The following SLC30A7 variants were observed in gnomAD, a reference collection of about 807,000 sequenced individuals.
SLC30A7 encodes the protein solute carrier family 30 member 7, also known as zinc transporter 7.
SLC30A7 carries 35 observed loss-of-function variants against 46.0 expected under a neutral mutation model. The ratio of observed to expected loss-of-function variants is 0.76; its 90% CI spans 0.58 to 1.01. The LOEUF (loss-of-function observed/expected upper bound fraction) is 1.01, where lower values mean the gene tolerates loss of function less well. Ranked by LOEUF, SLC30A7 falls within the 50% of genes least tolerant of loss-of-function variation. The pLI, the probability that SLC30A7 is intolerant of heterozygous loss-of-function variation, is 0.00. For missense variants in SLC30A7, 464 were observed against 451.1 expected (o/e 1.03, Z -0.26); for synonymous variants, 147 against 157.8 (o/e 0.93, Z 0.51).
At chr1:100,904,956 C>T (rs1235982800) in intron 2 of SLC30A7, among the ~76,000 whole-genome samples, 2 of 152,118 alleles carry the variant, frequency 1.3e-5, no homozygotes, top group Non-Finnish European at 2.9e-5. Context: ...TGGATGGAGA[C>T]AACTTTCCTT....
chr1:100,915,751 A>T (rs373386801), intron 6 of SLC30A7, among the ~76,000 whole-genome samples: 11 of 152,208 alleles, frequency 7.2e-5, no homozygotes, highest in African/African-American at 2.7e-4. Context: ...GGAAGTGCAG[A>T]TATCTCTTTG....
At position 100,933,166 on chromosome 1, in the gene SLC30A7, G is replaced by A. The variant is rs549286876; in HGVS notation, c.842+11325G>A. Among the ~76,000 whole-genome samples, 4 of 151,554 alleles carry A rather than the reference G, an allele frequency of 2.6e-5. No homozygotes were observed. In the East Asian group the frequency reaches 7.8e-4, roughly 30 times the overall value. On this transcript the variant is annotated intron_variant, in intron 8 of 10. Transcript: ENST00000357650. The stretch of plus-strand genomic sequence containing the variant: ...AATTTTTGTATTTTTAGTAGAGATG[G>A]GGTTTCACCATGTTGGCCAGGATGG...
At chr1:100,956,430 A>G (rs1265577668) in intron 8 of SLC30A7, among the ~76,000 whole-genome samples, 1 of 152,216 alleles carries the variant, frequency 6.6e-6, no homozygotes, top group East Asian at 1.9e-4. Flanking sequence ...AAGGCAACAC[A>G]CATGGAATAC....
chr1:100,915,164 T>G (rs1652406031), intron 6 of SLC30A7, among the ~76,000 whole-genome samples: 1 of 149,152 alleles, frequency 6.7e-6, no homozygotes. Context: ...CCTTCCTCAC[T>G]TCTTTTCTTT....
chr1:100,990,142 G>T, the SLC30A7 span: 2 of 436,362 alleles, frequency 4.6e-6, no homozygotes, highest in Non-Finnish European at 8.3e-6. Flanking sequence ...AATCACGGTG[G>T]AAGGCACCTC....
chr1:100,953,273 G>A (rs1253319933), intron 8 of SLC30A7, among the ~76,000 whole-genome samples: 1 of 152,122 alleles, frequency 6.6e-6, no homozygotes, highest in Non-Finnish European at 1.5e-5. Flanking sequence ...TTTTATAGCA[G>A]TATGAAGGCA....
At chr1:100,993,908 T>C in the SLC30A7 span, among the ~76,000 whole-genome samples, 1 of 151,520 alleles carries the variant, frequency 6.6e-6, no homozygotes, top group Non-Finnish European at 1.5e-5. Context: ...GCCTGGCTAA[T>C]TTTTTTTGTA....
Position 100,906,911 on chromosome 1 carries a change from G to T in SLC30A7, c.242G>T (p.Gly81Val). 6.2e-7 allele frequency: 1 copy of T among 1,613,464 alleles called. No individual in the cohort carries two copies. The highest frequency in any genetic ancestry group is 8.5e-7 in the Non-Finnish European group (1 of 1,179,614). Residue 81 changes from glycine to valine, a missense_variant, in exon 3 of 11, where the codon GGA becomes GTA. Transcript: ENST00000357650. ...TTCGATAGCACTGCCATTTTGGCTG[G>T]ACTGGCAGCTTCTGTTATTTCAAAA... ...MFFDSTAILAGLAASVISKWR... is the reference protein window; with the variant it reads ...MFFDSTAILAVLAASVISKWR...
At chr1:100,932,326 A>G (rs985111399) in intron 8 of SLC30A7, among the ~76,000 whole-genome samples, 1 of 152,100 alleles carries the variant, frequency 6.6e-6, no homozygotes, top group African/African-American at 2.4e-5. Flanking sequence ...GAGGCAGGAG[A>G]ATCGCTTGAA....
At chr1:100,993,559 A>AATATAAATATATATATATATATAT in the SLC30A7 span, among the ~76,000 whole-genome samples, 5 of 56,534 alleles carry the variant, frequency 8.8e-5, no homozygotes, top group African/African-American at 3.1e-4. Flanking sequence ...CGAAAATATA[A>AATATAAATATATATATATATATAT]ATATATATAT....
chr1:100,940,846 T>G (rs753626847), intron 8 of SLC30A7, among the ~76,000 whole-genome samples: 4 of 152,346 alleles, frequency 2.6e-5, no homozygotes, highest in Non-Finnish European at 5.9e-5. Flanking sequence ...AATATAGTTT[T>G]CATGTTTTTT....
intron 8 of SLC30A7, among the ~76,000 whole-genome samples, chr1:100,936,280 G>C (rs903939686): frequency 1.2e-4 from 19 of 152,138 alleles, no homozygotes; most frequent in African/African-American, 4.6e-4. Flanking sequence ...TTTGGAATGA[G>C]TACCTATGGA....
At chr1:100,941,266 A>T (rs1450452821) in intron 8 of SLC30A7, 4 of 373,576 alleles carry the variant, frequency 1.1e-5, no homozygotes, top group African/African-American at 2.1e-5. Flanking sequence ...CACCATATCC[A>T]CCACCACCAG....
intron 2 of SLC30A7, among the ~76,000 whole-genome samples, chr1:100,900,283 G>T (rs1340795051): frequency 5.3e-5 from 8 of 152,168 alleles, no homozygotes; most frequent in Admixed American, 5.2e-4. Context: ...AGACATAGAA[G>T]ACACTCAGGT....
intron 8 of SLC30A7, among the ~76,000 whole-genome samples, chr1:100,945,262 T>C (rs930701418): frequency 2.6e-5 from 4 of 152,242 alleles, no homozygotes; most frequent in African/African-American, 9.6e-5. Context: ...CGGTAGTTTC[T>C]TTTGCTGTGC....
chr1:100,911,220 T>C, intron 4 of SLC30A7, 70 bp downstream of exon 4: 2 of 1,085,174 alleles, frequency 1.8e-6, no homozygotes, highest in South Asian at 1.5e-5. Flanking sequence ...ATTAAAGATA[T>C]ATGTAAGTTT....
the SLC30A7 span, among the ~76,000 whole-genome samples, chr1:100,993,776 C>G: frequency 6.6e-6 from 1 of 151,162 alleles, no homozygotes; most frequent in East Asian, 1.9e-4. Flanking sequence ...CAGTCTCACT[C>G]TGTTGCCCAG....
intron 2 of SLC30A7, among the ~76,000 whole-genome samples, chr1:100,898,700 A>G (rs1651123498): frequency 6.6e-6 from 1 of 152,174 alleles, no homozygotes; most frequent in Non-Finnish European, 1.5e-5. Context: ...TGTTTTATTT[A>G]GACACCAAAA....
chr1:100,911,613 C>T (rs1054095282), intron 4 of SLC30A7, among the ~76,000 whole-genome samples: 9 of 152,224 alleles, frequency 5.9e-5, no homozygotes, highest in African/African-American at 2.2e-4. Flanking sequence ...TGCAGTGGCG[C>T]GATCTCGGCT....
Sources: allele counts gnomAD v4.1 joint callset (sites outside exome capture counted in the v4.1 genomes callset), GRCh38; gene constraint gnomAD v4.1.1; transcripts MANE v1.5; gene names NCBI Gene and HGNC (gene_info 2026-07-23, HGNC 2026-07-21).